The following MTMR8 variants were observed in gnomAD, a reference collection of about 807,000 sequenced individuals.
The protein encoded by MTMR8 is myotubularin related protein 8, also known as phosphatidylinositol-3,5-bisphosphate 3-phosphatase MTMR8.
In MTMR8, 65 loss-of-function variants were observed where a neutral mutation model predicts 39.3. That is an observed-to-expected ratio of 1.65 (90% confidence interval 1.35 to 2.03). The LOEUF (loss-of-function observed/expected upper bound fraction) is 2.03, where lower values mean the gene tolerates loss of function less well. Among genes scored for constraint, MTMR8 ranks in the 30% most tolerant of loss-of-function variants. The pLI, the probability that MTMR8 is intolerant of heterozygous loss-of-function variation, is 0.00. For missense variants in MTMR8, 777 were observed against 538.9 expected, an observed-to-expected ratio of 1.44 and a Z score of -4.37; for synonymous variants, 245 against 185.2, an observed-to-expected ratio of 1.32 and a Z score of -2.62.
intron 4 of MTMR8, among the ~76,000 whole-genome samples, chrX:64,352,902 C>A (rs1923520471): frequency 9.0e-6 from 1 of 111,241 alleles, no homozygotes; most frequent in Non-Finnish European, 1.9e-5. Context: ...ATATATGTTC[C>A]TTTCAAGCGT....
At chrX:64,348,995 T>C (rs1265389501) in intron 5 of MTMR8, among the ~76,000 whole-genome samples, 1 of 111,832 alleles carries the variant, frequency 8.9e-6, no homozygotes, top group Non-Finnish European at 1.9e-5. Context: ...CATGTGGCTC[T>C]AATTTCCAAC....
intron 12 of MTMR8, among the ~76,000 whole-genome samples, chrX:64,295,495 C>T (rs373614305): frequency 1.8e-5 from 2 of 110,782 alleles, no homozygotes; most frequent in African/African-American, 6.6e-5. Context: ...TTTTGTGCAT[C>T]AAAAGATACT....
At chrX:64,366,899 C>T (rs779463284) in intron 1 of MTMR8, among the ~76,000 whole-genome samples, 9 of 111,294 alleles carry the variant, frequency 8.1e-5, no homozygotes, top group Admixed American at 1.9e-4. Context: ...CAAATAGATG[C>T]AATAAAAAAT....
intron 12 of MTMR8, among the ~76,000 whole-genome samples, chrX:64,310,685 G>A (rs979505967): frequency 9.1e-6 from 1 of 109,462 alleles, no homozygotes; most frequent in Admixed American, 9.8e-5. Context: ...AGTGTGTGAT[G>A]TTCCTTACCC....
At chrX:64,283,301 T>C (rs1473957501) in intron 12 of MTMR8, among the ~76,000 whole-genome samples, 2 of 111,613 alleles carry the variant, frequency 1.8e-5, no homozygotes, top group South Asian at 3.7e-4. Context: ...TTGCTGAGGA[T>C]TCAGTAAGTA....
intron 11 of MTMR8, 129 bp from the exon 12 acceptor site, chrX:64,329,029 G>T: frequency 1.8e-6 from 1 of 551,661 alleles, no homozygotes; most frequent in Non-Finnish European, 2.6e-6. Context: ...GACAGGATAT[G>T]ACAGAAGAAA....
intron 12 of MTMR8, among the ~76,000 whole-genome samples, chrX:64,285,414 C>T (rs772444249): frequency 2.0e-3 from 221 of 111,005 alleles, no homozygotes; most frequent in African/African-American, 6.6e-3. Context: ...GACAGATCAA[C>T]GAGACAGAAA....
chrX:64,302,162 A>C (rs1921907478), intron 12 of MTMR8, among the ~76,000 whole-genome samples: 1 of 112,320 alleles, frequency 8.9e-6, no homozygotes, highest in Admixed American at 9.4e-5. Context: ...CCCCTCCCCC[A>C]GCCTCGCTGC....
intron 12 of MTMR8, among the ~76,000 whole-genome samples, chrX:64,301,195 T>A (rs1297203394): frequency 2.7e-5 from 3 of 109,977 alleles, no homozygotes; most frequent in Non-Finnish European, 3.8e-5. Flanking sequence ...TCCATTCTCC[T>A]CATCACTTTC....
intron 1 of MTMR8, among the ~76,000 whole-genome samples, chrX:64,366,676 C>A (rs765954867): frequency 3.6e-5 from 4 of 111,519 alleles, no homozygotes; most frequent in Non-Finnish European, 7.5e-5. Context: ...ATTTGACACC[C>A]TAACATCACA....
intron 2 of MTMR8, among the ~76,000 whole-genome samples, chrX:64,358,843 G>A (rs1602145764): frequency 1.1e-5 from 1 of 91,174 alleles, no homozygotes. Context: ...GCCCGTGCAT[G>A]CACACACACA....
intron 1 of MTMR8, 33 bp downstream of exon 1, chrX:64,395,307 C>T (rs759067980): frequency 1.5e-5 from 18 of 1,202,385 alleles, no homozygotes; most frequent in Non-Finnish European, 1.9e-5. Flanking sequence ...AGGAAGCTCG[C>T]GGCTGTCAGC....
chrX:64,300,430 T>TTTTCC (rs1182162274), intron 12 of MTMR8, among the ~76,000 whole-genome samples: 2 of 111,374 alleles, frequency 1.8e-5, no homozygotes, highest in African/African-American at 6.5e-5. Flanking sequence ...ATTTGCTTGG[T>TTTTCC]AGAGCTTCCT....
rs138366648 is a variant in MTMR8, at chrX:64,333,782, A to T, written c.1152-2025T>A. On this transcript the variant is annotated intron_variant, in intron 10 of 13. Coordinates refer to ENST00000374852, the MANE Select transcript of MTMR8 (RefSeq NM_017677.4). Reference sequence around the variant, plus strand: ...TCTGCTTTCACCACTTTGCTCAACCAGTTATCACTAAAGATCATTAAAACC... The same window carrying T: ...TCTGCTTTCACCACTTTGCTCAACCTGTTATCACTAAAGATCATTAAAACC... Among the ~76,000 whole-genome samples, 270 of 111,798 alleles carry T rather than the reference A, an allele frequency of 2.4e-3. 2 individuals carry two copies. The highest frequency in any genetic ancestry group is 8.4e-3 in the African/African-American group (259 of 30,794).
At chrX:64,292,400 C>T (rs908707406) in intron 12 of MTMR8, among the ~76,000 whole-genome samples, 2 of 111,240 alleles carry the variant, frequency 1.8e-5, no homozygotes, top group Non-Finnish European at 3.8e-5. Context: ...ATGCTCCAAA[C>T]CATAAAGTAG....
At chrX:64,395,245 G>T (rs1924790007) in intron 1 of MTMR8, 95 bp downstream of exon 1, 1 of 941,420 alleles carries the variant, frequency 1.1e-6, no homozygotes, top group Non-Finnish European at 1.5e-6. Context: ...ACGCGTCAAA[G>T]AAGGCTGAGA....
At chrX:64,271,478 C>G (rs775910863) in intron 12 of MTMR8, among the ~76,000 whole-genome samples, 1 of 112,137 alleles carries the variant, frequency 8.9e-6, no homozygotes, top group Non-Finnish European at 1.9e-5. Flanking sequence ...GATCAATTCC[C>G]TTTATGAGAA....
At position 64,269,118 on chromosome X, in the gene MTMR8, C is replaced by T. The variant is rs1392577981; in HGVS notation, c.1609-75G>A. 12 of 1,036,892 alleles carry T rather than the reference C, an allele frequency of 1.2e-5. No homozygotes were observed. The East Asian group carries it at 3.7e-4, about 32-fold the overall frequency. The allele number at this position is 1,036,892 out of a possible 1,213,427, so 85.5% of individuals were successfully genotyped here. A position where few individuals can be genotyped will look rare whatever the true frequency, so the allele number is the denominator to read the frequency against. ...ACTAGGCAAACATTACCTTGATCTG[C>T]AGAGATCCTATTGCTGTCACTTATA... On this transcript the variant is annotated intron_variant, in intron 13 of 13. Coordinates refer to ENST00000374852, the MANE Select transcript of MTMR8 (RefSeq NM_017677.4).
intron 10 of MTMR8, 79 bp downstream of exon 10, chrX:64,336,000 T>C: frequency 1.4e-6 from 1 of 706,283 alleles, no homozygotes; most frequent in Non-Finnish European, 2.1e-6. Context: ...TTCCTTTACA[T>C]GTACATACTG....
Sources: gnomAD v4.1 joint callset for allele counts (sites outside exome capture counted in the v4.1 genomes callset) on GRCh38, gnomAD v4.1.1 for gene constraint, MANE v1.5 for transcripts, NCBI Gene and HGNC (gene_info 2026-07-23, HGNC 2026-07-21) for gene names.